The following DGKB variants were observed in gnomAD, a reference collection of about 807,000 sequenced individuals.
DGKB encodes the protein diacylglycerol kinase beta.
A neutral mutation model predicts 114.3 loss-of-function variants in DGKB; 67 were observed. The ratio of observed to expected loss-of-function variants is 0.59; its 90% CI spans 0.48 to 0.72. The LOEUF is 0.72. Ranked by LOEUF, DGKB falls within the 30% of genes least tolerant of loss-of-function variation. The probability of loss-of-function intolerance (pLI) is 0.00; values close to 1 mark genes in which losing one functional copy is unlikely to be tolerated. For synonymous variants in DGKB, 398 were observed against 323.1 expected, an observed-to-expected ratio of 1.23 and a Z score of -2.49; for missense variants, 907 against 975.2, an observed-to-expected ratio of 0.93 and a Z score of 0.93.
intron 1 of DGKB, among the ~76,000 whole-genome samples, chr7:14,963,825 A>G (rs942131052): frequency 1.3e-5 from 2 of 152,124 alleles, no homozygotes; most frequent in Non-Finnish European, 2.9e-5. Context: ...AATTTGATCA[A>G]TATTAATAAA....
chr7:14,544,245 A>G (rs1277363673), intron 20 of DGKB, among the ~76,000 whole-genome samples: 1 of 152,176 alleles, frequency 6.6e-6, no homozygotes, highest in Admixed American at 6.5e-5. Context: ...GGCCTTTAAA[A>G]ATGAAGTAGA....
chr7:14,515,782 A>G (rs1788695926), intron 20 of DGKB, among the ~76,000 whole-genome samples: 1 of 152,198 alleles, frequency 6.6e-6, no homozygotes, highest in Non-Finnish European at 1.5e-5. Context: ...ATACGTAAAT[A>G]ATGTAGTTAT....
At chr7:14,696,133 A>C (rs1429804334) in intron 8 of DGKB, among the ~76,000 whole-genome samples, 4 of 152,088 alleles carry the variant, frequency 2.6e-5, no homozygotes, top group Non-Finnish European at 5.9e-5. Flanking sequence ...TCAAATCTAC[A>C]AACACACCCC....
intron 23 of DGKB, among the ~76,000 whole-genome samples, chr7:14,254,145 A>G (rs920325853): frequency 1.3e-5 from 2 of 152,206 alleles, no homozygotes; most frequent in Non-Finnish European, 2.9e-5. Context: ...TAGAGGAACA[A>G]GTAGCTTTTC....
chr7:14,882,122 C>T (rs1377122802), intron 1 of DGKB, among the ~76,000 whole-genome samples: 2 of 151,532 alleles, frequency 1.3e-5, no homozygotes, highest in East Asian at 3.9e-4. Flanking sequence ...TTCATGGTCT[C>T]AAAAAGATTA....
intron 21 of DGKB, among the ~76,000 whole-genome samples, chr7:14,406,339 G>T (rs1175416749): frequency 6.6e-6 from 1 of 151,958 alleles, no homozygotes; most frequent in African/African-American, 2.4e-5. Context: ...TTCATTAAGG[G>T]TCAACTACTT....
intron 1 of DGKB, among the ~76,000 whole-genome samples, chr7:14,922,559 T>C (rs1784561628): frequency 1.3e-5 from 2 of 152,086 alleles, no homozygotes; most frequent in East Asian, 3.9e-4. Context: ...AAAAATGATA[T>C]AGAATAACAG....
chr7:14,158,516 A>G (rs577608447), intron 25 of DGKB, among the ~76,000 whole-genome samples: 1 of 152,316 alleles, frequency 6.6e-6, no homozygotes, highest in South Asian at 2.1e-4. Context: ...TAATGGCCCA[A>G]TTTCTAGACT....
chr7:14,250,159 C>T (rs959905027), intron 23 of DGKB, among the ~76,000 whole-genome samples: 10 of 147,390 alleles, frequency 6.8e-5, no homozygotes, highest in Admixed American at 2.0e-4. Flanking sequence ...GGTAGAAATG[C>T]GGTTTCACCA....
At chr7:14,652,795 A>G (rs1814854927) in intron 13 of DGKB, among the ~76,000 whole-genome samples, 2 of 152,302 alleles carry the variant, frequency 1.3e-5, no homozygotes, top group South Asian at 2.1e-4. Flanking sequence ...ATGAACTCAA[A>G]CAAATTCACA....
At chr7:14,273,536 C>G (rs1463511052) in intron 23 of DGKB, among the ~76,000 whole-genome samples, 1 of 152,054 alleles carries the variant, frequency 6.6e-6, no homozygotes, top group Admixed American at 6.6e-5. Flanking sequence ...GTACTGTGGG[C>G]TTTCTGATTT....
chr7:14,613,645 T>C (rs1805999136), intron 15 of DGKB, among the ~76,000 whole-genome samples: 1 of 151,524 alleles, frequency 6.6e-6, no homozygotes, highest in Non-Finnish European at 1.5e-5. Flanking sequence ...CCTATCTAGA[T>C]AGAGGGCCGA....
intron 2 of DGKB, among the ~76,000 whole-genome samples, chr7:14,769,070 T>TAGA (rs1219591552): frequency 4.2e-4 from 35 of 84,308 alleles, no homozygotes; most frequent in African/African-American, 1.6e-3. Flanking sequence ...TTTTTAAAGA[T>TAGA]AAGAAAGAAA....
rs139572311 is a variant in DGKB at position 14,792,938 on chromosome 7, T to C, written c.71-35207A>G. 4.3e-3 allele frequency among the ~76,000 whole-genome samples: 658 copies of C among 152,220 alleles called. 2 individuals carry two copies. Among genetic ancestry groups the C allele is most frequent in the Non-Finnish European group, 6.9e-3 (472 of 67,992 alleles). On this transcript the variant is annotated intron_variant, in intron 2 of 25. Coordinates refer to ENST00000402815, the MANE Select transcript of DGKB (RefSeq NM_001350709.2). The stretch of plus-strand genomic sequence containing the variant: ...AACATACAGATTAACTCTATAAAAA[T>C]GCTCTTTTGGCAGAAAGACTAATAT...
chr7:14,974,316 CAT>C (rs2115318758), intron 1 of DGKB, among the ~76,000 whole-genome samples: 1 of 152,120 alleles, frequency 6.6e-6, no homozygotes, highest in African/African-American at 2.4e-5. Context: ...GCAGAAAACA[CAT>C]GAGAGACAAG....
chr7:14,189,142 C>T (rs73065776), intron 23 of DGKB, among the ~76,000 whole-genome samples: 5,237 of 152,168 alleles, frequency 0.034, 128 homozygotes, highest in Middle Eastern at 0.058. Flanking sequence ...CTAATATTTC[C>T]AGTGATATGA....
intron 23 of DGKB, among the ~76,000 whole-genome samples, chr7:14,315,653 AAG>A (rs1259397812): frequency 1.4e-5 from 2 of 146,582 alleles, no homozygotes; most frequent in Non-Finnish European, 3.0e-5. Context: ...GTGACCTACA[AAG>A]AGACTTAGAC....
At chr7:14,689,199 A>ATTTTTTTTTT (rs551618345) in intron 9 of DGKB, among the ~76,000 whole-genome samples, 3,779 of 76,260 alleles carry the variant, frequency 0.05, 740 homozygotes, top group South Asian at 0.072. Flanking sequence ...AACTCCTCTT[A>ATTTTTTTTTT]TTTTTTTTTT....
chr7:14,911,095 C>T (rs1783979892), intron 1 of DGKB, among the ~76,000 whole-genome samples: 1 of 151,958 alleles, frequency 6.6e-6, no homozygotes, highest in Non-Finnish European at 1.5e-5. Flanking sequence ...TATATATTGA[C>T]CTTACAATGT....
Sources: gnomAD v4.1 joint callset for allele counts (sites outside exome capture counted in the v4.1 genomes callset) on GRCh38, gnomAD v4.1.1 for gene constraint, MANE v1.5 for transcripts, NCBI Gene and HGNC (gene_info 2026-07-23, HGNC 2026-07-21) for gene names.